Variants in MTUS2 observed in about 807,000 individuals in gnomAD.
The protein encoded by MTUS2 is microtubule-associated tumor suppressor candidate 2.
MTUS2 carries 40 observed loss-of-function variants against 114.1 expected under a neutral mutation model. That is an observed-to-expected ratio of 0.35 (90% CI 0.27 to 0.46). The LOEUF (loss-of-function observed/expected upper bound fraction) is 0.46, where lower values mean the gene tolerates loss of function less well. Ranked by LOEUF, MTUS2 falls within the 20% of genes least tolerant of loss-of-function variation. MTUS2 has a pLI of 1.00. For synonymous variants in MTUS2, 688 were observed against 672.0 expected, an observed-to-expected ratio of 1.02 and a Z score of -0.37; for missense variants, 1,679 against 1,705.4, an observed-to-expected ratio of 0.98 and a Z score of 0.27.
chr13:29,034,845 C>T (rs1566312229), intron 4 of MTUS2, among the ~76,000 whole-genome samples: 1 of 152,212 alleles, frequency 6.6e-6, no homozygotes, highest in East Asian at 1.9e-4. Flanking sequence ...TCCCCCACCA[C>T]TGCACCTTCA....
chr13:29,359,106 C>T (rs1189191861), intron 7 of MTUS2, among the ~76,000 whole-genome samples, 156 bp from the exon 8 acceptor site: 1 of 152,114 alleles, frequency 6.6e-6, no homozygotes, highest in Non-Finnish European at 1.5e-5. Flanking sequence ...AATTTTAGTC[C>T]CTGACTGTTT....
intron 5 of MTUS2, among the ~76,000 whole-genome samples, chr13:29,102,400 G>A (rs1263581979): frequency 6.6e-6 from 1 of 152,142 alleles, no homozygotes; most frequent in African/African-American, 2.4e-5. Context: ...GATGAGCCAT[G>A]TCCACATGAC....
intron 5 of MTUS2, among the ~76,000 whole-genome samples, chr13:29,272,305 TA>T (rs565545104): frequency 3.3e-5 from 5 of 152,060 alleles, no homozygotes; most frequent in South Asian, 4.1e-4. Context: ...CTAGGATTGT[TA>T]AAAAAAATCA....
chr13:29,065,384 T>TA (rs1258699818), intron 4 of MTUS2, among the ~76,000 whole-genome samples: 2 of 152,310 alleles, frequency 1.3e-5, no homozygotes, highest in East Asian at 3.9e-4. Flanking sequence ...TTGTGAGTGA[T>TA]ATTGAGCTTT....
chr13:29,182,684 A>G (rs1371626217), intron 5 of MTUS2, among the ~76,000 whole-genome samples: 1 of 152,256 alleles, frequency 6.6e-6, no homozygotes, highest in African/African-American at 2.4e-5. Context: ...AATATAATAA[A>G]TAAGTACATG....
chr13:28,955,447 A>C (rs774165441), intron 2 of MTUS2, among the ~76,000 whole-genome samples: 2 of 152,210 alleles, frequency 1.3e-5, no homozygotes, highest in African/African-American at 2.4e-5. Context: ...GTGGTGGCCC[A>C]CTTAGGTCCT....
intron 12 of MTUS2, among the ~76,000 whole-genome samples, chr13:29,494,165 G>C (rs1039533263): frequency 2.0e-4 from 31 of 152,380 alleles, no homozygotes; most frequent in Non-Finnish European, 2.9e-5. Flanking sequence ...GGTGTGAACA[G>C]ATTAAGGGAA....
intron 2 of MTUS2, among the ~76,000 whole-genome samples, chr13:29,000,248 T>C (rs934315007): frequency 6.6e-6 from 1 of 152,254 alleles, no homozygotes; most frequent in African/African-American, 2.4e-5. Flanking sequence ...ACGGCAGGTA[T>C]AGTGGTAATG....
chr13:28,937,341 T>C (rs899865775), intron 2 of MTUS2, among the ~76,000 whole-genome samples: 3 of 151,350 alleles, frequency 2.0e-5, no homozygotes, highest in African/African-American at 4.8e-5. Flanking sequence ...AATGGACCAA[T>C]CAGTGCTCTG....
chr13:29,416,771 C>A (rs186096782), intron 8 of MTUS2, among the ~76,000 whole-genome samples: 2 of 152,204 alleles, frequency 1.3e-5, no homozygotes, highest in Admixed American at 1.3e-4. Flanking sequence ...TGTTGTCTTG[C>A]TCTGAATATC....
chr13:28,834,572 A>G (rs926707890), intron 1 of MTUS2, among the ~76,000 whole-genome samples: 2 of 152,160 alleles, frequency 1.3e-5, no homozygotes, highest in African/African-American at 2.4e-5. Context: ...ATATAAAACA[A>G]TAAGTCTCAG....
At chr13:29,138,756 T>A (rs1034022527) in intron 5 of MTUS2, among the ~76,000 whole-genome samples, 4 of 151,858 alleles carry the variant, frequency 2.6e-5, no homozygotes, top group Admixed American at 2.0e-4. Flanking sequence ...TTTTAAAAAA[T>A]AACTCATCCA....
At chr13:29,064,538 G>A (rs1327584351) in intron 4 of MTUS2, among the ~76,000 whole-genome samples, 2 of 151,908 alleles carry the variant, frequency 1.3e-5, no homozygotes, top group Admixed American at 6.6e-5. Context: ...AACTACTGTT[G>A]TAGTGTAAGC....
chr13:29,045,128 T>A (rs1159317245), intron 4 of MTUS2, among the ~76,000 whole-genome samples: 1 of 152,226 alleles, frequency 6.6e-6, no homozygotes, highest in Non-Finnish European at 1.5e-5. Context: ...AAGATAATCT[T>A]CCTCTTAATA....
At chr13:28,961,539 T>G (rs948861498) in intron 2 of MTUS2, among the ~76,000 whole-genome samples, 1 of 152,184 alleles carries the variant, frequency 6.6e-6, no homozygotes, top group Non-Finnish European at 1.5e-5. Context: ...ACCATTTGGC[T>G]ACAGCTTAAA....
chr13:29,497,482 T>G (rs1882628813), intron 13 of MTUS2, 146 bp downstream of exon 13: 1 of 664,298 alleles, frequency 1.5e-6, no homozygotes, highest in South Asian at 1.8e-5. Context: ...CCCCTGGATT[T>G]TTAAACAATT....
intron 4 of MTUS2, among the ~76,000 whole-genome samples, chr13:29,061,238 T>G (rs1888404347): frequency 6.6e-6 from 1 of 152,228 alleles, no homozygotes; most frequent in African/African-American, 2.4e-5. Context: ...AGTTTGATTC[T>G]TTCAAGGCTT....
chr13:29,302,748 G>A (rs970596269), intron 6 of MTUS2, among the ~76,000 whole-genome samples: 11 of 152,166 alleles, frequency 7.2e-5, no homozygotes, highest in Non-Finnish European at 1.0e-4. Context: ...GAAGACAGGC[G>A]GTCCAGATGA....
chr13:29,120,380 A>C (rs1449565382), intron 5 of MTUS2, among the ~76,000 whole-genome samples: 1 of 152,098 alleles, frequency 6.6e-6, no homozygotes. Flanking sequence ...TATTTTCACA[A>C]ATATCCATGA....
Sources: allele counts gnomAD v4.1 joint callset (sites outside exome capture counted in the v4.1 genomes callset), GRCh38; gene constraint gnomAD v4.1.1; transcripts MANE v1.5; gene names NCBI Gene and HGNC (gene_info 2026-07-23, HGNC 2026-07-21).